NDUFA10: variants seen among roughly 807,000 people sequenced by gnomAD.
The protein encoded by NDUFA10 is NADH:ubiquinone oxidoreductase subunit A10.
A neutral mutation model predicts 47.8 loss-of-function variants in NDUFA10; 40 were observed. The observed-to-expected ratio is 0.84, with a 90% CI of 0.65 to 1.09. NDUFA10 has a LOEUF of 1.09. Ranked by LOEUF, NDUFA10 falls within the 50% of genes least tolerant of loss-of-function variation. The probability of loss-of-function intolerance (pLI) is 0.00; values close to 1 mark genes in which losing one functional copy is unlikely to be tolerated. For missense variants in NDUFA10, 413 were observed against 451.1 expected, an observed-to-expected ratio of 0.92 and a Z score of 0.76; for synonymous variants, 183 against 172.2, an observed-to-expected ratio of 1.06 and a Z score of -0.49.
chr2:239,997,746 T>C (rs1193074599), intron 8 of NDUFA10, among the ~76,000 whole-genome samples: 5 of 152,368 alleles, frequency 3.3e-5, no homozygotes, highest in South Asian at 4.1e-4. Context: ...GTCAAAACTT[T>C]TTCTGTAAAT....
intron 9 of NDUFA10, among the ~76,000 whole-genome samples, chr2:239,963,284 G>A (rs570102667): frequency 1.4e-4 from 21 of 152,346 alleles, no homozygotes; most frequent in African/African-American, 4.6e-4. Flanking sequence ...AGGAGGGGGC[G>A]CAGGCAGCTA....
At chr2:239,912,767 G>A (rs1693778124) in intron 4 of NDUFA10, among the ~76,000 whole-genome samples, 1 of 152,216 alleles carries the variant, frequency 6.6e-6, no homozygotes, top group Non-Finnish European at 1.5e-5. Context: ...GACAGAGGCT[G>A]GTGGTGGTCA....
intron 4 of NDUFA10, among the ~76,000 whole-genome samples, chr2:239,952,308 C>G (rs1293026810): frequency 6.6e-6 from 1 of 151,310 alleles, no homozygotes; most frequent in South Asian, 2.1e-4. Context: ...GGGAGGGGGG[C>G]CCAGGAGAAA....
chr2:240,014,903 A>C, intron 4 of NDUFA10, 43 bp from the exon 5 acceptor site: 3 of 1,613,614 alleles, frequency 1.9e-6, no homozygotes, highest in Non-Finnish European at 2.5e-6. Context: ...ACCAGTCCCC[A>C]CACGGGTTTC....
intron 4 of NDUFA10, among the ~76,000 whole-genome samples, chr2:239,934,462 GCTT>G (rs1385592735): frequency 6.6e-6 from 1 of 151,570 alleles, no homozygotes; most frequent in African/African-American, 2.4e-5. Context: ...TTGACGTCTG[GCTT>G]CTTTTCTCAT....
At chr2:239,921,378 C>T (rs11686276) in intron 4 of NDUFA10, among the ~76,000 whole-genome samples, 27,050 of 150,518 alleles carry the variant, frequency 0.18, 2,814 homozygotes, top group African/African-American at 0.3. Context: ...GGAAAGGAAC[C>T]CAAGCAGGTT....
intron 4 of NDUFA10, among the ~76,000 whole-genome samples, chr2:239,930,538 G>A (rs935398052): frequency 4.6e-5 from 7 of 151,876 alleles, no homozygotes; most frequent in African/African-American, 1.2e-4. Flanking sequence ...TCTGCACCCC[G>A]CTGTCCGCAG....
intron 9 of NDUFA10, among the ~76,000 whole-genome samples, chr2:239,968,009 C>CACACAG (rs1173910304): frequency 5.9e-5 from 9 of 152,056 alleles, no homozygotes; most frequent in East Asian, 1.9e-4. Context: ...CACACACACA[C>CACACAG]AGTCACTCAT....
At chr2:239,919,184 C>T (rs1693926252) in intron 4 of NDUFA10, among the ~76,000 whole-genome samples, 1 of 152,222 alleles carries the variant, frequency 6.6e-6, no homozygotes, top group Non-Finnish European at 1.5e-5. Context: ...CCATGTGGAC[C>T]TTCGGTGGCA....
intron 4 of NDUFA10, among the ~76,000 whole-genome samples, chr2:239,909,197 G>C (rs1367506651): frequency 2.0e-5 from 3 of 147,202 alleles, no homozygotes; most frequent in Non-Finnish European, 4.4e-5. Context: ...AACCAAAGTG[G>C]GGTCTTAATA....
chr2:240,012,056 CCTGT>C (rs1697165770), intron 5 of NDUFA10: 5 of 336,428 alleles, frequency 1.5e-5, no homozygotes, highest in Admixed American at 8.1e-5. Flanking sequence ...GGGGCAGCGG[CCTGT>C]CTGTCCGCCA....
chr2:240,017,920 GCCGTCAGTCAGA>G, intron 4 of NDUFA10: 2 of 1,553,758 alleles, frequency 1.3e-6, no homozygotes, highest in Non-Finnish European at 1.7e-6. Context: ...AGATGAAAAT[GCCGTCAGTCAGA>G]CTGTCCACCA....
chr2:239,898,086 G>A (rs1371626993), intron 4 of NDUFA10, among the ~76,000 whole-genome samples: 3 of 152,152 alleles, frequency 2.0e-5, no homozygotes, highest in African/African-American at 7.2e-5. Context: ...ACCAACCGGG[G>A]CCCAGCTCAC....
intron 4 of NDUFA10, chr2:240,017,949 T>C (rs1017533146): frequency 2.0e-6 from 3 of 1,484,550 alleles, no homozygotes; most frequent in Admixed American, 2.0e-5. Flanking sequence ...ACCAGGCCTA[T>C]TCAACCCACC....
chr2:239,991,274 G>A (rs1264710671), intron 8 of NDUFA10, among the ~76,000 whole-genome samples: 6 of 152,144 alleles, frequency 3.9e-5, no homozygotes, highest in Non-Finnish European at 7.3e-5. Flanking sequence ...CGTCAGGAGC[G>A]TCCTAGTAAA....
intron 8 of NDUFA10, among the ~76,000 whole-genome samples, chr2:240,001,422 A>G (rs1696712505): frequency 6.6e-6 from 1 of 152,190 alleles, no homozygotes; most frequent in Non-Finnish European, 1.5e-5. Context: ...CATGGTTCTG[A>G]GCCTTTCAAA....
intron 4 of NDUFA10, among the ~76,000 whole-genome samples, chr2:239,912,695 C>T (rs1574773182): frequency 6.6e-6 from 1 of 152,182 alleles, no homozygotes; most frequent in East Asian, 1.9e-4. Context: ...ACACATACCC[C>T]TATCCCTGCC....
At chr2:239,984,402 T>C (rs889805846) in intron 9 of NDUFA10, among the ~76,000 whole-genome samples, 1 of 152,232 alleles carries the variant, frequency 6.6e-6, no homozygotes. Flanking sequence ...GTTCTAAACA[T>C]TCAAGTTTAC....
intron 4 of NDUFA10, among the ~76,000 whole-genome samples, chr2:239,896,016 G>A (rs1330383942): frequency 6.6e-6 from 1 of 152,260 alleles, no homozygotes; most frequent in Admixed American, 6.5e-5. Flanking sequence ...GGTTGTTGGT[G>A]TTATTCACAA....
Sources: gnomAD v4.1 joint callset for allele counts (sites outside exome capture counted in the v4.1 genomes callset) on GRCh38, gnomAD v4.1.1 for gene constraint, MANE v1.5 for transcripts, NCBI Gene and HGNC (gene_info 2026-07-23, HGNC 2026-07-21) for gene names.